UFD1: variants seen among roughly 807,000 people sequenced by gnomAD.
UFD1 encodes the protein ubiquitin recognition factor in ER-associated degradation protein 1.
UFD1 carries 13 observed loss-of-function variants against 45.9 expected under a neutral mutation model. The ratio of observed to expected loss-of-function variants is 0.28; its 90% CI spans 0.18 to 0.45. The LOEUF (loss-of-function observed/expected upper bound fraction) is 0.45. Among genes scored for constraint, UFD1 ranks in the 20% least tolerant of loss-of-function variants. UFD1 has a pLI of 1.00. For synonymous variants in UFD1, 128 were observed against 139.2 expected (o/e 0.92, Z 0.56); for missense variants, 218 against 389.2 (o/e 0.56, Z 3.70).
In UFD1 at chr22:19,479,157, A is replaced by G. The variant is rs1035944799; in HGVS notation, c.-72T>C. On this transcript the variant is annotated 5_prime_UTR_variant, in exon 1 of 12. Coordinates refer to ENST00000263202, the MANE Select transcript of UFD1 (RefSeq NM_005659.7). ...AAGAAACCCCGCCGACCGCTCTCCC[A>G]GCCGCCGCTGCCGCTGCCGCCGCGC... The G allele has an allele frequency of 4.4e-6, 7 of 1,578,154 alleles. No individual in the cohort carries two copies. In the East Asian group the frequency reaches 1.4e-4, roughly 32 times the overall value.
intron 6 of UFD1, among the ~76,000 whole-genome samples, chr22:19,461,415 T>C (rs950850883): frequency 1.3e-5 from 2 of 152,214 alleles, no homozygotes; most frequent in African/African-American, 2.4e-5. Flanking sequence ...TATATAAAGC[T>C]TTCTTCCACT....
Position 19,471,575 on chromosome 22 carries a change from G to A in UFD1, c.291+112C>T, listed in dbSNP as rs568638019. 8.7e-4 allele frequency: 1,278 copies of A among 1,460,720 alleles called. 3 individuals are homozygous for A. The highest frequency in any genetic ancestry group is 9.7e-4 in the Non-Finnish European group (1,049 of 1,083,730). The allele number at this position is 1,460,720 out of a possible 1,614,324, so 90.5% of individuals were successfully genotyped here. Reference sequence around the variant, plus strand: ...TCGCTGGGTCGGCTCAGGCTAAGACGCTGAGCAGGAGGAGTAGGCGGGGCC... The same window carrying A: ...TCGCTGGGTCGGCTCAGGCTAAGACACTGAGCAGGAGGAGTAGGCGGGGCC... On this transcript the variant is annotated intron_variant, in intron 4 of 11. Coordinates refer to ENST00000263202, the MANE Select transcript of UFD1 (RefSeq NM_005659.7).
chr22:19,462,346 C>T (rs2146295748), intron 6 of UFD1, among the ~76,000 whole-genome samples: 1 of 152,288 alleles, frequency 6.6e-6, no homozygotes, highest in South Asian at 2.1e-4. Flanking sequence ...ACAGAGAACA[C>T]TTTAATTCTA....
chr22:19,455,948 G>T lies in UFD1; in HGVS notation c.679-180C>A, dbSNP rs546180058. 6.5e-4 allele frequency among the ~76,000 whole-genome samples: 99 copies of T among 152,352 alleles called. 1 individual carries two copies. Among genetic ancestry groups the T allele is most frequent in the Non-Finnish European group, 1.3e-3 (87 of 68,026 alleles). On this transcript the variant is annotated intron_variant, in intron 9 of 11. Coordinates refer to ENST00000263202, the MANE Select transcript of UFD1 (RefSeq NM_005659.7). Reference sequence around the variant, plus strand: ...TAAGAACTCTGCCCAGTTCCTCAGGGGGTGGCCATGAGCTGAAGACAGCCA... The same window carrying T: ...TAAGAACTCTGCCCAGTTCCTCAGGTGGTGGCCATGAGCTGAAGACAGCCA...
chr22:19,450,857 T>A, intron 11 of UFD1, 113 bp from the exon 12 acceptor site: 1 of 1,571,080 alleles, frequency 6.4e-7, no homozygotes, highest in Non-Finnish European at 8.6e-7. Context: ...TATCTCAGGC[T>A]GGACACGATA....
In UFD1 at chr22:19,458,239, C is replaced by T. The variant is rs2089738730; in HGVS notation, c.496-100G>A. On this transcript the variant is annotated intron_variant, in intron 6 of 11. Coordinates refer to ENST00000263202, the MANE Select transcript of UFD1 (RefSeq NM_005659.7). ...GCTCTACTGGCTCCTGCGAATGACACAGCATTCATGCCCATGACACAACCT... is the reference window on the plus strand; with the variant it reads ...GCTCTACTGGCTCCTGCGAATGACATAGCATTCATGCCCATGACACAACCT... 6 of 1,255,048 alleles carry T rather than the reference C, an allele frequency of 4.8e-6. No individual in the cohort carries two copies. In the South Asian group the frequency reaches 7.5e-5, roughly 16 times the overall value. 77.7% of individuals were successfully genotyped at this position (1,255,048 alleles called of 1,614,324 possible).
intron 4 of UFD1, among the ~76,000 whole-genome samples, chr22:19,470,994 C>T (rs556182999): frequency 2.0e-5 from 3 of 152,274 alleles, no homozygotes; most frequent in African/African-American, 7.2e-5. Flanking sequence ...CCCTAATGTG[C>T]CAGAGCTGGG....
intron 7 of UFD1, among the ~76,000 whole-genome samples, chr22:19,457,239 T>C (rs1328295042): frequency 6.6e-6 from 1 of 152,192 alleles, no homozygotes; most frequent in Admixed American, 6.5e-5. Flanking sequence ...AGTTGAGATG[T>C]AGAACAGTTT....
intron 4 of UFD1, chr22:19,470,558 C>G: frequency 2.8e-6 from 1 of 355,836 alleles, no homozygotes; most frequent in Non-Finnish European, 5.5e-6. Context: ...TCTCTTGCCT[C>G]GGTCTCCCAA....
chr22:19,451,476 T>A (rs1029326656), intron 11 of UFD1: 1 of 985,416 alleles, frequency 1.0e-6, no homozygotes, highest in Non-Finnish European at 1.2e-6. Flanking sequence ...CACTAAGCTA[T>A]CCTTCCATCA....
rs928056966 is a variant in UFD1, at chr22:19,454,927, T to G, written c.768-97A>C. The G allele has an allele frequency of 4.3e-6, 6 of 1,382,776 alleles. No individual in the cohort carries two copies. The African/African-American group carries it at 8.7e-5, about 20-fold the overall frequency. 85.7% of individuals were successfully genotyped at this position (1,382,776 alleles called of 1,614,324 possible). ...AAGAGGAACGCAGAAAAGATGCTGCTGCACCCCACCTGGGCCCTTTGGTGC... is the reference window on the plus strand; with the variant it reads ...AAGAGGAACGCAGAAAAGATGCTGCGGCACCCCACCTGGGCCCTTTGGTGC... On this transcript the variant is annotated intron_variant, in intron 10 of 11. Transcript: ENST00000263202.
chr22:19,471,479 T>G (rs2089845022), intron 4 of UFD1: 1 of 793,338 alleles, frequency 1.3e-6, no homozygotes, highest in Admixed American at 1.8e-5. Context: ...CACAGCACAG[T>G]GGCCCACAGG....
chr22:19,450,051 T>C lies in UFD1; in HGVS notation c.*619A>G, dbSNP rs2089668336. 1 of 152,252 alleles carries C rather than the reference T, an allele frequency of 6.6e-6. No homozygotes were observed. Among genetic ancestry groups the C allele is most frequent in the Admixed American group, 6.5e-5 (1 of 15,292 alleles). The allele number at this position is 152,252 out of a possible 1,614,324, so 9.4% of individuals were successfully genotyped here. On this transcript the variant is annotated 3_prime_UTR_variant, in exon 12 of 12. Transcript: ENST00000263202. ...GTTGTTTCACTATGAACAGGTTCAC[T>C]AAGGAGCCAGTTATGTCCATATGAA...
chr22:19,474,892 C>A (rs1280660813), intron 3 of UFD1, among the ~76,000 whole-genome samples, 176 bp downstream of exon 3: 1 of 152,168 alleles, frequency 6.6e-6, no homozygotes, highest in African/African-American at 2.4e-5. Flanking sequence ...GCCCTGGCCT[C>A]GCCCTAGGTA....
chr22:19,462,183 C>T (rs968652317), intron 6 of UFD1, among the ~76,000 whole-genome samples: 1 of 151,448 alleles, frequency 6.6e-6, no homozygotes, highest in Non-Finnish European at 1.5e-5. Flanking sequence ...TATTTTTTGT[C>T]GAGATGGGGT....
intron 4 of UFD1, chr22:19,470,908 T>C: frequency 2.2e-6 from 1 of 447,848 alleles, no homozygotes; most frequent in Non-Finnish European, 4.5e-6. Context: ...AGCCCACAGC[T>C]CACTGCGGGG....
intron 2 of UFD1, 116 bp downstream of exon 2, chr22:19,475,353 AT>A: frequency 6.8e-7 from 1 of 1,475,702 alleles, no homozygotes; most frequent in Non-Finnish European, 9.2e-7. Flanking sequence ...TCCCAGCACC[AT>A]TTTCACAGTA....
In UFD1 at chr22:19,450,569, G is replaced by GTA; in HGVS notation, c.*99_*100dup. ...CTCTAAATAAATCTTAAGTAACAGA[G>GTA]TATTCTCTGATGAGGCTCGTCCCTG... is the stretch of plus-strand genomic sequence containing the variant. On this transcript the variant is annotated 3_prime_UTR_variant, in exon 12 of 12. Coordinates refer to ENST00000263202, the MANE Select transcript of UFD1 (RefSeq NM_005659.7). 7.1e-7 allele frequency: 1 copy of GTA among 1,413,034 alleles called. No individual in the cohort carries two copies. The highest frequency in any genetic ancestry group is 9.9e-7 in the Non-Finnish European group (1 of 1,011,326). The allele number at this position is 1,413,034 out of a possible 1,614,324, so 87.5% of individuals were successfully genotyped here.
At chr22:19,471,245 A>G (rs2089842694) in intron 4 of UFD1, 1 of 516,468 alleles carries the variant, frequency 1.9e-6, no homozygotes. Context: ...CGTCACTCCC[A>G]TGGCAGCTCA....
Sources: gnomAD v4.1 joint callset for allele counts (sites outside exome capture counted in the v4.1 genomes callset) on GRCh38, gnomAD v4.1.1 for gene constraint, MANE v1.5 for transcripts, NCBI Gene and HGNC (gene_info 2026-07-23, HGNC 2026-07-21) for gene names.